The following ABLIM2 variants were observed in gnomAD, a reference collection of about 807,000 sequenced individuals.
ABLIM2 encodes actin-binding LIM protein 2.
Under a neutral mutation model 97.7 loss-of-function variants are expected in ABLIM2, and 53 were observed. The observed-to-expected ratio is 0.54, with a 90% CI of 0.44 to 0.68. ABLIM2 has a LOEUF of 0.68. Among genes scored for constraint, ABLIM2 ranks in the 30% least tolerant of loss-of-function variants. The pLI is 0.00. For missense variants in ABLIM2, 835 were observed against 867.2 expected (o/e 0.96, Z 0.47); for synonymous variants, 361 against 345.8 (o/e 1.04, Z -0.49).
intron 1 of ABLIM2, among the ~76,000 whole-genome samples, chr4:8,121,333 G>A (rs553495094): frequency 1.2e-4 from 19 of 152,338 alleles, no homozygotes; most frequent in Non-Finnish European, 1.0e-4. Flanking sequence ...CCGGGCAGAC[G>A]CCAGCCCAGC....
At chr4:8,153,528 G>T (rs556871953) in intron 1 of ABLIM2, among the ~76,000 whole-genome samples, 26 of 152,186 alleles carry the variant, frequency 1.7e-4, no homozygotes, top group African/African-American at 6.0e-4. Context: ...GGTCAGGGGG[G>T]TCTGGCTTCT....
chr4:7,989,219 T>C (rs1257208441), intron 17 of ABLIM2, among the ~76,000 whole-genome samples: 1 of 152,018 alleles, frequency 6.6e-6, no homozygotes. Flanking sequence ...GCTGGGATAT[T>C]AGGCATGTGC....
rs41266515 is a variant in ABLIM2 at position 8,019,664 on chromosome 4, G to A, written c.1377C>T (p.Gly459=). 18 of 1,612,036 alleles carry A rather than the reference G, an allele frequency of 1.1e-5. No homozygotes were observed. Among genetic ancestry groups the A allele is most frequent in the South Asian group, 4.4e-5 (4 of 90,722 alleles). Residue 459 remains glycine (G), a synonymous_variant, in exon 14 of 21, where the codon GGC becomes GGT. Transcript: ENST00000447017. This position sits in a 1 kb window ranked among gnomAD's most constrained non-coding sequence, Gnocchi z 4.3. ...APRHFHVPDT[G]VKDNIYRKPP... Reference sequence around the variant, plus strand: ...GTTTCCTATAGATGTTATCTTTTACGCCAGTGTCTGGGGAAGAAGAAAGAA... The same window carrying A: ...GTTTCCTATAGATGTTATCTTTTACACCAGTGTCTGGGGAAGAAGAAAGAA...
At position 8,072,817 on chromosome 4, in the gene ABLIM2, G is replaced by A. The variant is rs1301138324; in HGVS notation, c.675+4811C>T. On this transcript the variant is annotated intron_variant, in intron 6 of 20. Transcript: ENST00000447017. This position sits in a 1 kb window ranked among gnomAD's most constrained non-coding sequence, Gnocchi z 5.8. ...TCAGAGCCACCAGCGCATAAGAGGA[G>A]CAGGGTCAGGGACAGCACCTGAGTG... is the stretch of plus-strand genomic sequence containing the variant. Among the ~76,000 whole-genome samples, 2 of 152,202 alleles carry A rather than the reference G, an allele frequency of 1.3e-5. No homozygotes were observed. Among genetic ancestry groups the A allele is most frequent in the Middle Eastern group, 3.2e-3 (1 of 316 alleles).
chr4:8,038,513 C>T (rs1786004796), intron 9 of ABLIM2, among the ~76,000 whole-genome samples: 1 of 152,180 alleles, frequency 6.6e-6, no homozygotes. Context: ...TCCCCATGTC[C>T]CCAGGTGTGC....
intron 1 of ABLIM2, among the ~76,000 whole-genome samples, chr4:8,156,021 T>G (rs558305312): frequency 6.6e-6 from 1 of 152,308 alleles, no homozygotes; most frequent in East Asian, 1.9e-4. Flanking sequence ...TCTTTAGTAC[T>G]TTGTTATGGA....
At chr4:7,968,348 G>C (rs1467844214) in intron 20 of ABLIM2, among the ~76,000 whole-genome samples, 3 of 152,266 alleles carry the variant, frequency 2.0e-5, no homozygotes, top group Non-Finnish European at 2.9e-5. Flanking sequence ...CGGAGGAATG[G>C]AAAACAGGGA....
chr4:8,112,930 G>C lies in ABLIM2; in HGVS notation c.11-6293C>G, dbSNP rs1379506660. Among the ~76,000 whole-genome samples, 2 of 152,166 alleles carry C rather than the reference G, an allele frequency of 1.3e-5. No individual in the cohort carries two copies. Among genetic ancestry groups the C allele is most frequent in the African/African-American group, 4.8e-5 (2 of 41,416 alleles). On this transcript the variant is annotated intron_variant, in intron 1 of 20. Transcript: ENST00000447017. This position sits in a 1 kb window ranked among gnomAD's most constrained non-coding sequence, Gnocchi z 4.2. Reference sequence around the variant, plus strand: ...GGAGCAGACGCACTGTCAGGTACTGGGGAGAGAGGTGTGCCATTCAGCACC... The same window carrying C: ...GGAGCAGACGCACTGTCAGGTACTGCGGAGAGAGGTGTGCCATTCAGCACC...
At chr4:7,985,059 TG>T (rs2149731591) in intron 17 of ABLIM2, among the ~76,000 whole-genome samples, 166 bp from the exon 18 acceptor site, 1 of 152,224 alleles carries the variant, frequency 6.6e-6, no homozygotes, top group South Asian at 2.1e-4. Context: ...ACAGCAACAG[TG>T]GCTTGGGAAG....
Position 8,069,281 on chromosome 4 carries a change from C to T in ABLIM2, c.676-8227G>A, listed in dbSNP as rs978330477. The stretch of plus-strand genomic sequence containing the variant: ...ACGTTCTGAACAAGGCAACACGGTG[C>T]CCAGGAGGCCAGCCTGAGCGGCCCT... On this transcript the variant is annotated intron_variant, in intron 6 of 20. Coordinates refer to ENST00000447017, the MANE Select transcript of ABLIM2 (RefSeq NM_001130083.2). This position sits in a 1 kb window ranked among gnomAD's most constrained non-coding sequence, Gnocchi z 4.2. Among the ~76,000 whole-genome samples, 10 of 152,260 alleles carry T rather than the reference C, an allele frequency of 6.6e-5. No individual in the cohort carries two copies. Among genetic ancestry groups the T allele is most frequent in the Non-Finnish European group, 8.8e-5 (6 of 68,048 alleles).
At chr4:8,101,204 G>T (rs1325225198) in intron 2 of ABLIM2, among the ~76,000 whole-genome samples, 2 of 152,200 alleles carry the variant, frequency 1.3e-5, no homozygotes, top group African/African-American at 4.8e-5. Flanking sequence ...GGGCTGGCCG[G>T]GCATCGCAGC....
rs1157609913 is a variant in ABLIM2, at chr4:8,125,813, T to C, written c.11-19176A>G. 6.6e-6 allele frequency among the ~76,000 whole-genome samples: 1 copy of C among 152,146 alleles called. No homozygotes were observed. The highest frequency in any genetic ancestry group is 6.5e-5 in the Admixed American group (1 of 15,274). The stretch of plus-strand genomic sequence containing the variant: ...CTGCTCTGGGCATCCACGGCTGTCC[T>C]CAGAATGCTCCAGCACCCCAGCCAT... On this transcript the variant is annotated intron_variant, in intron 1 of 20. Coordinates refer to ENST00000447017, the MANE Select transcript of ABLIM2 (RefSeq NM_001130083.2). This position sits in a 1 kb window ranked among gnomAD's most constrained non-coding sequence, Gnocchi z 6.2.
intron 16 of ABLIM2, among the ~76,000 whole-genome samples, chr4:8,006,752 C>T (rs1442534991): frequency 1.3e-5 from 2 of 152,182 alleles, no homozygotes; most frequent in African/African-American, 2.4e-5. Context: ...CACGGGGGCA[C>T]AGGCAGGCGC....
chr4:7,968,928 G>A (rs750878797), intron 20 of ABLIM2, among the ~76,000 whole-genome samples: 75 of 150,366 alleles, frequency 5.0e-4, no homozygotes, highest in Admixed American at 1.5e-3. Context: ...ATCACCTTAG[G>A]TCAGGAGTTC....
chr4:7,981,291 G>T (rs1738202118), intron 20 of ABLIM2, among the ~76,000 whole-genome samples: 1 of 151,968 alleles, frequency 6.6e-6, no homozygotes, highest in South Asian at 2.1e-4. Flanking sequence ...TTGATTACAG[G>T]TCTTAATAAC....
At chr4:8,097,458 C>A (rs543540258) in intron 2 of ABLIM2, among the ~76,000 whole-genome samples, 176 bp from the exon 3 acceptor site, 1 of 152,336 alleles carries the variant, frequency 6.6e-6, no homozygotes, top group East Asian at 1.9e-4. Flanking sequence ...CTGGGACAGA[C>A]TCCAGCTCTG....
chr4:8,007,825 G>A, intron 16 of ABLIM2: 2 of 1,327,702 alleles, frequency 1.5e-6, no homozygotes, highest in Non-Finnish European at 1.9e-6. Context: ...TCTGTGAGGG[G>A]ACATGCAGGC....
chr4:8,042,506 A>C (rs989650306), intron 9 of ABLIM2, among the ~76,000 whole-genome samples: 1 of 152,156 alleles, frequency 6.6e-6, no homozygotes, highest in Non-Finnish European at 1.5e-5. Context: ...CATTTTGTCC[A>C]ATCATATTTC....
intron 1 of ABLIM2, among the ~76,000 whole-genome samples, chr4:8,131,902 C>CGCATCCCCTGCACAGCAGCCA (rs1561607822): frequency 6.9e-6 from 1 of 145,356 alleles, no homozygotes; most frequent in African/African-American, 2.6e-5. Flanking sequence ...CACAGCAGCC[C>CGCATCCCCTGCACAGCAGCCA]GCATCTCCAG....
Sources: gnomAD v4.1 joint callset for allele counts (sites outside exome capture counted in the v4.1 genomes callset) on GRCh38, gnomAD v4.1.1 for gene constraint, Gnocchi (gnomAD v3.1) non-coding constraint, MANE v1.5 for transcripts, NCBI Gene and HGNC (gene_info 2026-07-23, HGNC 2026-07-21) for gene names.